The following TAFA4 variants were observed in gnomAD, a reference collection of about 807,000 sequenced individuals.
The protein encoded by TAFA4 is chemokine-like protein TAFA-4.
A neutral mutation model predicts 21.1 loss-of-function variants in TAFA4; 20 were observed. The ratio of observed to expected loss-of-function variants is 0.95; its 90% CI spans 0.67 to 1.38. The LOEUF is 1.38. Among genes scored for constraint, TAFA4 ranks in the 40% most tolerant of loss-of-function variants. The probability of loss-of-function intolerance (pLI) is 0.00; values close to 1 mark genes in which losing one functional copy is unlikely to be tolerated. For synonymous variants in TAFA4, 71 were observed against 67.4 expected, an observed-to-expected ratio of 1.05 and a Z score of -0.26; for missense variants, 211 against 180.9, an observed-to-expected ratio of 1.17 and a Z score of -0.95.
At chr3:68,742,831 A>G (rs1160755128) in intron 4 of TAFA4, among the ~76,000 whole-genome samples, 1 of 152,246 alleles carries the variant, frequency 6.6e-6, no homozygotes, top group Non-Finnish European at 1.5e-5. Context: ...ACAGTCAAAC[A>G]AGCTCTTGAA....
At chr3:68,819,483 T>C (rs1704068343) in intron 3 of TAFA4, among the ~76,000 whole-genome samples, 1 of 152,164 alleles carries the variant, frequency 6.6e-6, no homozygotes, top group Admixed American at 6.6e-5. Context: ...TGAGTTTGGG[T>C]ATTTGTCATC....
At chr3:68,840,649 G>C (rs943261459) in intron 3 of TAFA4, among the ~76,000 whole-genome samples, 1 of 152,136 alleles carries the variant, frequency 6.6e-6, no homozygotes, top group African/African-American at 2.4e-5. Flanking sequence ...ACAGAAGCTG[G>C]CTGATGACAT....
intron 3 of TAFA4, among the ~76,000 whole-genome samples, chr3:68,806,417 T>C (rs955802939): frequency 1.3e-5 from 2 of 152,204 alleles, no homozygotes; most frequent in Admixed American, 1.3e-4. Flanking sequence ...AGCCATTTAG[T>C]TTATCATTCT....
chr3:68,760,837 G>T (rs1358382582), intron 3 of TAFA4, among the ~76,000 whole-genome samples: 1 of 152,188 alleles, frequency 6.6e-6, no homozygotes, highest in Non-Finnish European at 1.5e-5. Context: ...CAGTGTAGAA[G>T]ACGATAGTAG....
intron 3 of TAFA4, among the ~76,000 whole-genome samples, chr3:68,778,399 C>G (rs1206432870): frequency 6.6e-6 from 1 of 152,096 alleles, no homozygotes; most frequent in African/African-American, 2.4e-5. Context: ...TCAAAATAAA[C>G]AGAGCAAAAA....
At chr3:68,843,483 T>A (rs1704715460) in intron 3 of TAFA4, among the ~76,000 whole-genome samples, 1 of 152,248 alleles carries the variant, frequency 6.6e-6, no homozygotes, top group Non-Finnish European at 1.5e-5. Flanking sequence ...TCTGACTTCC[T>A]TTCTCCCTAT....
intron 1 of TAFA4, among the ~76,000 whole-genome samples, chr3:68,902,286 A>G (rs1356590001): frequency 1.3e-5 from 2 of 152,166 alleles, no homozygotes; most frequent in Non-Finnish European, 2.9e-5. Flanking sequence ...TAAGATCTCA[A>G]AGCAGGTATT....
At chr3:68,766,506 CA>C (rs1168615381) in intron 3 of TAFA4, among the ~76,000 whole-genome samples, 1 of 151,432 alleles carries the variant, frequency 6.6e-6, no homozygotes, top group East Asian at 1.9e-4. Flanking sequence ...GACAATAATA[CA>C]AAAGCATTCT....
intron 3 of TAFA4, among the ~76,000 whole-genome samples, chr3:68,754,035 C>T (rs930802585): frequency 6.6e-6 from 1 of 152,198 alleles, no homozygotes; most frequent in African/African-American, 2.4e-5. Flanking sequence ...CCAGGTTCAC[C>T]AGTTAATATG....
chr3:68,875,928 A>AG lies in TAFA4; in HGVS notation c.130+4801_130+4802insC, dbSNP rs1553650293. The stretch of plus-strand genomic sequence containing the variant: ...GTAGTCATTTGTTTTAAAAAAAAAA[A>AG]AGAGAGAGAGAACTAAATAACTAAA... On this transcript the variant is annotated intron_variant, in intron 3 of 5. Coordinates refer to ENST00000295569, the MANE Select transcript of TAFA4 (RefSeq NM_182522.5). Among the ~76,000 whole-genome samples the AG allele has an allele frequency of 7.7e-3, 1,175 of 151,958 alleles. 22 individuals are homozygous for AG. Among genetic ancestry groups the AG allele is most frequent in the African/African-American group, 0.026 (1,081 of 41,354 alleles).
chr3:68,844,377 T>C (rs1704739270), intron 3 of TAFA4, among the ~76,000 whole-genome samples: 1 of 152,208 alleles, frequency 6.6e-6, no homozygotes, highest in Admixed American at 6.5e-5. Flanking sequence ...CCTTTATCAC[T>C]TTTTATTGTG....
chr3:68,877,672 C>T (rs2106946093), intron 3 of TAFA4, among the ~76,000 whole-genome samples: 1 of 152,300 alleles, frequency 6.6e-6, no homozygotes, highest in East Asian at 1.9e-4. Flanking sequence ...CTTCATAGAG[C>T]AACTTTCTTC....
chr3:68,808,087 G>GA (rs1399040111), intron 3 of TAFA4, among the ~76,000 whole-genome samples: 1 of 151,866 alleles, frequency 6.6e-6, no homozygotes, highest in Non-Finnish European at 1.5e-5. Context: ...ATGTTTATTA[G>GA]AAAAAAATGG....
At chr3:68,909,036 A>T (rs148731477) in intron 1 of TAFA4, among the ~76,000 whole-genome samples, 2,558 of 152,268 alleles carry the variant, frequency 0.017, 186 homozygotes, top group Admixed American at 0.12. Context: ...GTAGCTGAGG[A>T]ACTGAATTTT....
chr3:68,921,643 C>G (rs774849414), intron 1 of TAFA4, among the ~76,000 whole-genome samples: 1 of 152,268 alleles, frequency 6.6e-6, no homozygotes, highest in East Asian at 1.9e-4. Context: ...ATTCCCAGAA[C>G]GAATGAAATC....
intron 3 of TAFA4, among the ~76,000 whole-genome samples, chr3:68,813,491 C>T (rs1318111410): frequency 6.6e-6 from 1 of 152,086 alleles, no homozygotes; most frequent in African/African-American, 2.4e-5. Context: ...GATACCACCA[C>T]CGATCCCACA....
intron 3 of TAFA4, among the ~76,000 whole-genome samples, chr3:68,827,723 T>C (rs1168264052): frequency 2.0e-5 from 3 of 152,146 alleles, no homozygotes; most frequent in African/African-American, 7.2e-5. Context: ...GCCCACTTTT[T>C]AACGGGGTTG....
At chr3:68,740,818 T>G (rs1013577718) in intron 4 of TAFA4, among the ~76,000 whole-genome samples, 1 of 152,210 alleles carries the variant, frequency 6.6e-6, no homozygotes, top group Non-Finnish European at 1.5e-5. Flanking sequence ...AAGTTAACTT[T>G]TCCATGTGGT....
At chr3:68,753,725 G>T (rs1702606973) in intron 3 of TAFA4, among the ~76,000 whole-genome samples, 1 of 152,188 alleles carries the variant, frequency 6.6e-6, no homozygotes, top group African/African-American at 2.4e-5. Context: ...GCAGACAGAT[G>T]AAGAGCTCCA....
Sources: allele counts gnomAD v4.1 joint callset (sites outside exome capture counted in the v4.1 genomes callset), GRCh38; gene constraint gnomAD v4.1.1; transcripts MANE v1.5; gene names NCBI Gene and HGNC (gene_info 2026-07-23, HGNC 2026-07-21).